The following PTK2B variants were observed in gnomAD, a reference collection of about 807,000 sequenced individuals.
PTK2B encodes the protein protein-tyrosine kinase 2-beta.
A neutral mutation model predicts 142.9 loss-of-function variants in PTK2B; 71 were observed. The ratio of observed to expected loss-of-function variants is 0.50; its 90% CI spans 0.41 to 0.61. The LOEUF is 0.61. Ranked by LOEUF, PTK2B falls within the 20% of genes least tolerant of loss-of-function variation. The pLI is 0.00. For missense variants in PTK2B, 1,105 were observed against 1,320.4 expected (o/e 0.84, Z 2.53); for synonymous variants, 519 against 503.4 (o/e 1.03, Z -0.42).
intron 1 of PTK2B, among the ~76,000 whole-genome samples, chr8:27,355,285 G>A (rs1329452773): frequency 6.6e-6 from 1 of 152,128 alleles, no homozygotes; most frequent in Admixed American, 6.5e-5. Flanking sequence ...AGTAAGAGAA[G>A]GCAGTGCAAC....
At chr8:27,383,904 A>G (rs996342931) in intron 1 of PTK2B, among the ~76,000 whole-genome samples, 1 of 144,802 alleles carries the variant, frequency 6.9e-6, no homozygotes, top group South Asian at 2.2e-4. Context: ...GCTGGAGTGC[A>G]ATGGTGTGAT....
chr8:27,386,751 TA>T (rs1489220438), intron 1 of PTK2B, among the ~76,000 whole-genome samples: 1 of 152,182 alleles, frequency 6.6e-6, no homozygotes, highest in African/African-American at 2.4e-5. Context: ...AGTGGCAGAC[TA>T]GGGGGTTGGC....
At chr8:27,436,408 C>A in intron 15 of PTK2B, 60 bp downstream of exon 15, 1 of 1,513,882 alleles carries the variant, frequency 6.6e-7, no homozygotes, top group South Asian at 1.1e-5. Flanking sequence ...TGAGACAGAG[C>A]TCGAATCTGA....
At chr8:27,453,027 G>A in intron 27 of PTK2B, 87 bp from the exon 28 acceptor site, 2 of 1,477,280 alleles carry the variant, frequency 1.4e-6, no homozygotes, top group Non-Finnish European at 1.9e-6. Flanking sequence ...TGGTAGAGGG[G>A]AAGGGGCTCA....
intron 24 of PTK2B, among the ~76,000 whole-genome samples, chr8:27,448,970 T>C (rs1811643560): frequency 6.6e-6 from 1 of 152,250 alleles, no homozygotes. Flanking sequence ...GGTTCTCAGC[T>C]AAGTTATTTT....
chr8:27,457,277 C>T (rs1812193696), intron 30 of PTK2B, among the ~76,000 whole-genome samples: 1 of 152,074 alleles, frequency 6.6e-6, no homozygotes, highest in African/African-American at 2.4e-5. Flanking sequence ...ATTTTAGGGC[C>T]CTTAGGAATT....
chr8:27,379,931 G>A (rs774056740), intron 1 of PTK2B, among the ~76,000 whole-genome samples: 13 of 152,158 alleles, frequency 8.5e-5, no homozygotes, highest in East Asian at 3.9e-4. Flanking sequence ...TAGTAGAGAC[G>A]GGGTTTCACC....
At chr8:27,348,728 G>A (rs140969418) in intron 1 of PTK2B, among the ~76,000 whole-genome samples, 1 of 152,128 alleles carries the variant, frequency 6.6e-6, no homozygotes, top group African/African-American at 2.4e-5. Context: ...TTGTGGGGGC[G>A]GCTGGGTAGG....
chr8:27,433,643 T>C lies in PTK2B; in HGVS notation c.1105+91T>C, dbSNP rs1454809865. Reference sequence around the variant, plus strand: ...GGAGTGGCAGAAGCTAAGCCACTGATGGATAAGTGAATGAGGATTCTTCCC... The same window carrying C: ...GGAGTGGCAGAAGCTAAGCCACTGACGGATAAGTGAATGAGGATTCTTCCC... On this transcript the variant is annotated intron_variant, in intron 11 of 30. Coordinates refer to ENST00000346049, the MANE Select transcript of PTK2B (RefSeq NM_173176.3). 4.6e-6 allele frequency: 5 copies of C among 1,079,840 alleles called. No homozygotes were observed. The East Asian group carries it at 1.2e-4, about 26-fold the overall frequency. 66.9% of individuals were successfully genotyped at this position (1,079,840 alleles called of 1,614,324 possible).
chr8:27,421,640 T>C (rs888856023), intron 4 of PTK2B, among the ~76,000 whole-genome samples: 1 of 152,262 alleles, frequency 6.6e-6, no homozygotes, highest in East Asian at 1.9e-4. Flanking sequence ...TTTCATTCAT[T>C]TTTATGGCCC....
At chr8:27,414,843 T>G (rs2082100) in intron 2 of PTK2B, among the ~76,000 whole-genome samples, 2 of 151,818 alleles carry the variant, frequency 1.3e-5, no homozygotes, top group African/African-American at 2.4e-5. Context: ...GCTCACTCCC[T>G]GTTTGGTTAC....
intron 1 of PTK2B, among the ~76,000 whole-genome samples, chr8:27,340,096 C>T (rs1804306310): frequency 6.6e-6 from 1 of 152,216 alleles, no homozygotes; most frequent in African/African-American, 2.4e-5. Flanking sequence ...ATCTAAAGCC[C>T]AGCTCCACAT....
At chr8:27,324,226 T>G (rs2130704639), upstream of PTK2B, among the ~76,000 whole-genome samples, 1 of 152,366 alleles carries the variant, frequency 6.6e-6, no homozygotes, top group Admixed American at 6.5e-5. Flanking sequence ...TTCTCCCACC[T>G]GACCACCTTC....
At position 27,432,710 on chromosome 8, in the gene PTK2B, T is replaced by TTTTG. The variant is rs780924414; in HGVS notation, c.987+369_987+372dup. On this transcript the variant is annotated intron_variant, in intron 10 of 30. Coordinates refer to ENST00000346049, the MANE Select transcript of PTK2B (RefSeq NM_173176.3). The stretch of plus-strand genomic sequence containing the variant: ...ATCAAGACCTCAAAAACATGGGTTT[T>TTTTG]TTTGTTTGTTTGTTTGTTTGTTTTT... Among the ~76,000 whole-genome samples, 137 of 152,182 alleles carry TTTTG rather than the reference T, an allele frequency of 9.0e-4. No individual in the cohort carries two copies. In the East Asian group the frequency reaches 0.01, roughly 11 times the overall value.
chr8:27,372,278 A>G (rs1017120466), intron 1 of PTK2B, among the ~76,000 whole-genome samples: 1 of 152,252 alleles, frequency 6.6e-6, no homozygotes, highest in African/African-American at 2.4e-5. Flanking sequence ...AGAGATGTCT[A>G]TAAAGAGATT....
At chr8:27,433,973 G>T in intron 11 of PTK2B, 120 bp from the exon 12 acceptor site, 1 of 1,320,480 alleles carries the variant, frequency 7.6e-7, no homozygotes, top group Non-Finnish European at 1.1e-6. Context: ...GGCTAGGAGA[G>T]AATGGAATTA....
intron 5 of PTK2B, among the ~76,000 whole-genome samples, chr8:27,429,164 C>G (rs1810260958): frequency 6.6e-6 from 1 of 152,174 alleles, no homozygotes; most frequent in South Asian, 2.1e-4. Context: ...CTCGGCCTCC[C>G]TAAGTGCTGG....
chr8:27,409,951 A>G (rs1808956676), intron 2 of PTK2B, among the ~76,000 whole-genome samples: 1 of 152,048 alleles, frequency 6.6e-6, no homozygotes, highest in African/African-American at 2.4e-5. Context: ...CGAACTCCTG[A>G]CCTCAGGTGA....
intron 5 of PTK2B, among the ~76,000 whole-genome samples, chr8:27,425,588 G>T (rs949419592): frequency 6.6e-6 from 1 of 152,046 alleles, no homozygotes; most frequent in Non-Finnish European, 1.5e-5. Context: ...CCAAAGTGGT[G>T]CATTTGTTAC....
Sources: gnomAD v4.1 joint callset for allele counts (sites outside exome capture counted in the v4.1 genomes callset) on GRCh38, gnomAD v4.1.1 for gene constraint, MANE v1.5 for transcripts, NCBI Gene and HGNC (gene_info 2026-07-23, HGNC 2026-07-21) for gene names.